PRKG1: variants seen among roughly 807,000 people sequenced by gnomAD.
PRKG1 encodes cGMP-dependent protein kinase 1.
PRKG1 carries 35 observed loss-of-function variants against 88.1 expected under a neutral mutation model. That is an observed-to-expected ratio of 0.40 (90% CI 0.30 to 0.53). The LOEUF is 0.53. Ranked by LOEUF, PRKG1 falls within the 20% of genes least tolerant of loss-of-function variation. PRKG1 has a pLI of 0.59. For synonymous variants in PRKG1, 303 were observed against 292.5 expected, an observed-to-expected ratio of 1.04 and a Z score of -0.37; for missense variants, 540 against 839.8, an observed-to-expected ratio of 0.64 and a Z score of 4.41.
intron 1 of PRKG1, among the ~76,000 whole-genome samples, chr10:51,083,047 C>T (rs1237446314): frequency 6.6e-6 from 1 of 152,136 alleles, no homozygotes; most frequent in East Asian, 1.9e-4. Flanking sequence ...TACTTGAATT[C>T]CTATTCTTTG....
chr10:52,079,500 T>G (rs1846714790), intron 7 of PRKG1, among the ~76,000 whole-genome samples: 3 of 152,194 alleles, frequency 2.0e-5, no homozygotes. Flanking sequence ...TTTAGGAACC[T>G]GAGACTCGTG....
At chr10:51,340,059 T>G (rs549299554) in intron 2 of PRKG1, among the ~76,000 whole-genome samples, 1 of 152,162 alleles carries the variant, frequency 6.6e-6, no homozygotes, top group Non-Finnish European at 1.5e-5. Flanking sequence ...TGCTAGTGGA[T>G]CTCAGCTTTA....
chr10:52,090,614 A>G (rs1847032386), intron 7 of PRKG1, among the ~76,000 whole-genome samples: 1 of 152,198 alleles, frequency 6.6e-6, no homozygotes, highest in Admixed American at 6.5e-5. Context: ...GTGAAAGGGG[A>G]TATTTGCATA....
chr10:51,129,198 G>C (rs931082064), intron 1 of PRKG1, among the ~76,000 whole-genome samples: 2 of 152,084 alleles, frequency 1.3e-5, no homozygotes, highest in South Asian at 4.1e-4. Flanking sequence ...AAACAGGGCC[G>C]GGTGTGGTGG....
chr10:52,204,200 C>T (rs566157497), intron 9 of PRKG1, among the ~76,000 whole-genome samples: 24 of 151,922 alleles, frequency 1.6e-4, no homozygotes, highest in Non-Finnish European at 2.9e-4. Context: ...TCCCAGGTTC[C>T]AGCAATTCTG....
intron 1 of PRKG1, among the ~76,000 whole-genome samples, chr10:51,088,491 G>C (rs965306852): frequency 6.7e-6 from 1 of 149,904 alleles, no homozygotes; most frequent in Non-Finnish European, 1.5e-5. Flanking sequence ...CGCTCACATA[G>C]CATTTAATAT....
At chr10:51,409,869 A>AAAAAC (rs1383327365) in intron 2 of PRKG1, among the ~76,000 whole-genome samples, 3 of 150,592 alleles carry the variant, frequency 2.0e-5, no homozygotes, top group African/African-American at 7.3e-5. Context: ...AAAAAAAAAA[A>AAAAAC]AGGAGAGTAG....
chr10:52,083,518 G>C (rs185278297), intron 7 of PRKG1, among the ~76,000 whole-genome samples: 74 of 152,072 alleles, frequency 4.9e-4, no homozygotes, highest in African/African-American at 1.7e-3. Context: ...TCCTTTCTTG[G>C]CTTAAATAGT....
At chr10:51,387,380 AAT>A (rs1837279445) in intron 2 of PRKG1, among the ~76,000 whole-genome samples, 1 of 149,994 alleles carries the variant, frequency 6.7e-6, no homozygotes, top group South Asian at 2.1e-4. Context: ...AAATAAACTT[AAT>A]ATATATATTT....
intron 7 of PRKG1, among the ~76,000 whole-genome samples, chr10:52,133,414 A>G (rs1322806981): frequency 6.6e-6 from 1 of 152,142 alleles, no homozygotes; most frequent in Non-Finnish European, 1.5e-5. Flanking sequence ...TAAACAGATC[A>G]ATTGTTCTCA....
chr10:51,409,850 C>CAAAAAAA (rs71459417), intron 2 of PRKG1, among the ~76,000 whole-genome samples: 1,039 of 79,226 alleles, frequency 0.013, 57 homozygotes, highest in African/African-American at 0.019. Context: ...GAGACTCTGT[C>CAAAAAAA]AAAAAAAAAA....
chr10:52,163,303 C>T (rs1455643660), intron 9 of PRKG1, among the ~76,000 whole-genome samples: 3 of 147,356 alleles, frequency 2.0e-5, no homozygotes, highest in Admixed American at 6.8e-5. Flanking sequence ...ATATAATTTA[C>T]ATATAGTATA....
chr10:52,282,901 GA>G (rs1842031329), intron 14 of PRKG1, among the ~76,000 whole-genome samples: 1 of 152,058 alleles, frequency 6.6e-6, no homozygotes, highest in Non-Finnish European at 1.5e-5. Flanking sequence ...CAGATTTCAG[GA>G]CAGGGATGGG....
At chr10:51,737,743 TATTATTATTATTATTA>T (rs1837323883) in intron 3 of PRKG1, among the ~76,000 whole-genome samples, 1 of 105,690 alleles carries the variant, frequency 9.5e-6, no homozygotes, top group Non-Finnish European at 2.1e-5. Flanking sequence ...ATTTATTAAT[TATTATTATTATTATTA>T]TTATTATTAT....
rs542392292 is a variant in PRKG1, at chr10:51,524,724, T to C, written c.592+56888T>C. On this transcript the variant is annotated intron_variant, in intron 3 of 17. Coordinates refer to ENST00000373980, the MANE Select transcript of PRKG1 (RefSeq NM_006258.4). ...ACAAGTGTGGGTGATGTATAAACAT[T>C]TGTAGAAGGTGAGTCTAAAATGAAT... Among the ~76,000 whole-genome samples, 187 of 152,346 alleles carry C rather than the reference T, an allele frequency of 1.2e-3. 1 individual carries two copies. Among genetic ancestry groups the C allele is most frequent in the African/African-American group, 4.3e-3 (180 of 41,584 alleles).
At chr10:51,621,658 G>A (rs907367289) in intron 3 of PRKG1, among the ~76,000 whole-genome samples, 7 of 152,042 alleles carry the variant, frequency 4.6e-5, no homozygotes, top group Non-Finnish European at 7.4e-5. Context: ...ATTAACAAAC[G>A]CAGATATTGT....
At position 51,539,091 on chromosome 10, in the gene PRKG1, CT is replaced by C. The variant is rs565055977; in HGVS notation, c.592+71259del. On this transcript the variant is annotated intron_variant, in intron 3 of 17. Transcript: ENST00000373980. ...AATTAATTTTATCTGTCTTGGGTTG[CT>C]TTTATACAGCATAATTGAATCTGAA... Among the ~76,000 whole-genome samples the C allele has an allele frequency of 1.3e-3, 202 of 152,170 alleles. 1 individual carries two copies. The highest frequency in any genetic ancestry group is 2.3e-3 in the Non-Finnish European group (157 of 67,962).
chr10:52,271,125 A>T (rs1242477414), intron 10 of PRKG1, among the ~76,000 whole-genome samples: 3 of 152,100 alleles, frequency 2.0e-5, no homozygotes, highest in Non-Finnish European at 4.4e-5. Flanking sequence ...AACACAATTA[A>T]TTTGGAATCA....
chr10:51,609,580 A>T (rs1220215470), intron 3 of PRKG1, among the ~76,000 whole-genome samples: 1 of 152,228 alleles, frequency 6.6e-6, no homozygotes, highest in Non-Finnish European at 1.5e-5. Context: ...AAAGACATGT[A>T]ATCAACCCAA....
Sources: gnomAD v4.1 joint callset for allele counts (sites outside exome capture counted in the v4.1 genomes callset) on GRCh38, gnomAD v4.1.1 for gene constraint, MANE v1.5 for transcripts, NCBI Gene and HGNC (gene_info 2026-07-23, HGNC 2026-07-21) for gene names.